BBIP1: variants seen among roughly 807,000 people sequenced by gnomAD.
The protein encoded by BBIP1 is BBSome-interacting protein 1.
Under a neutral mutation model 8.9 loss-of-function variants are expected in BBIP1, and 6 were observed. The observed-to-expected ratio is 0.67, with a 90% CI of 0.37 to 1.33. The LOEUF is 1.33. Ranked by LOEUF, BBIP1 falls within the 40% of genes most tolerant of loss-of-function variation. The probability of loss-of-function intolerance (pLI) is 0.02; values close to 1 mark genes in which losing one functional copy is unlikely to be tolerated. For missense variants in BBIP1, 111 were observed against 109.2 expected (o/e 1.02, Z -0.07); for synonymous variants, 32 against 33.4 (o/e 0.96, Z 0.14).
chr10:110,914,081 T>C (rs550444991), intron 2 of BBIP1, among the ~76,000 whole-genome samples: 2 of 152,174 alleles, frequency 1.3e-5, no homozygotes, highest in Non-Finnish European at 2.9e-5. Context: ...TATTGTTTCC[T>C]CTTACCTTAC....
At chr10:110,906,164 G>A (rs1028070753) in intron 2 of BBIP1, among the ~76,000 whole-genome samples, 15 of 152,028 alleles carry the variant, frequency 9.9e-5, no homozygotes, top group African/African-American at 7.2e-5. Context: ...CACCAAGCCC[G>A]GCTAATTTGT....
chr10:110,918,678 C>A (rs1446916526), intron 1 of BBIP1, among the ~76,000 whole-genome samples: 1 of 152,230 alleles, frequency 6.6e-6, no homozygotes, highest in South Asian at 2.1e-4. Flanking sequence ...GTAGAGCGGC[C>A]TCACCCCACA....
At chr10:110,917,844 A>G (rs962906706) in intron 2 of BBIP1, 1 of 500,040 alleles carries the variant, frequency 2.0e-6, no homozygotes, top group African/African-American at 1.9e-5. Flanking sequence ...TATATATAAC[A>G]TACTGATTGT....
intron 2 of BBIP1, among the ~76,000 whole-genome samples, chr10:110,908,946 A>AT (rs1364755324): frequency 6.6e-6 from 1 of 152,222 alleles, no homozygotes; most frequent in South Asian, 2.1e-4. Context: ...CAGGAGGACA[A>AT]TTACAGGGCT....
intron 2 of BBIP1, among the ~76,000 whole-genome samples, chr10:110,916,205 T>A (rs1053562771): frequency 2.0e-5 from 3 of 152,238 alleles, no homozygotes; most frequent in African/African-American, 7.2e-5. Flanking sequence ...GAATGCACTA[T>A]GTAATTTTCA....
At chr10:110,904,377 A>C (rs1001689289) in intron 2 of BBIP1, 2 of 152,224 alleles carry the variant, frequency 1.3e-5, no homozygotes, top group African/African-American at 4.8e-5. Flanking sequence ...GGTAAGAACT[A>C]TAGAAAATAA....
chr10:110,905,089 G>A (rs759119441), intron 2 of BBIP1: 6 of 152,116 alleles, frequency 3.9e-5, no homozygotes, highest in Non-Finnish European at 7.4e-5. Context: ...TCATGACAAG[G>A]TACGCAAACC....
At chr10:110,907,679 CCTCG>C (rs891137947) in intron 2 of BBIP1, 2 of 678,978 alleles carry the variant, frequency 2.9e-6, no homozygotes, top group Non-Finnish European at 2.7e-6. Context: ...TTGTTCTTAA[CCTCG>C]CTTGCTTGTA....
At chr10:110,918,064 A>G in intron 2 of BBIP1, 57 bp downstream of exon 2, 1 of 1,424,570 alleles carries the variant, frequency 7.0e-7, no homozygotes, top group South Asian at 1.2e-5. Flanking sequence ...TAAGTCGAGA[A>G]GGTAGGTTTG....
intron 2 of BBIP1, among the ~76,000 whole-genome samples, chr10:110,912,806 G>A (rs1564694075): frequency 6.6e-6 from 1 of 152,066 alleles, no homozygotes; most frequent in Non-Finnish European, 1.5e-5. Context: ...TCCATAATAT[G>A]TGCCTACTAC....
At chr10:110,918,998 G>C (rs929908671) in intron 1 of BBIP1, 123 bp downstream of exon 1, 4 of 152,266 alleles carry the variant, frequency 2.6e-5, no homozygotes, top group African/African-American at 9.6e-5. Flanking sequence ...GTCCATCTCC[G>C]TAAGTGACCA....
chr10:110,906,325 G>A (rs1242404411), intron 2 of BBIP1, among the ~76,000 whole-genome samples: 1 of 151,944 alleles, frequency 6.6e-6, no homozygotes. Context: ...GTATTTTAAT[G>A]ATCATCCTAT....
At chr10:110,916,869 CTCT>C (rs1407827961) in intron 2 of BBIP1, among the ~76,000 whole-genome samples, 1 of 152,186 alleles carries the variant, frequency 6.6e-6, no homozygotes, top group Non-Finnish European at 1.5e-5. Context: ...AAATGCTACC[CTCT>C]TCTTTGTAGG....
At position 110,899,280 on chromosome 10, in the gene BBIP1, A is replaced by G. The variant is rs981281339; in HGVS notation, c.*1080T>C. Reference sequence around the variant, plus strand: ...GTACTGTTAGGAGTATACTGCTTACAGGTTTAGATATAGTCTGTTAGAATT... The same window carrying G: ...GTACTGTTAGGAGTATACTGCTTACGGGTTTAGATATAGTCTGTTAGAATT... On this transcript the variant is annotated 3_prime_UTR_variant, in exon 4 of 4. Coordinates refer to ENST00000448814, the MANE Select transcript of BBIP1 (RefSeq NM_001195305.3). The G allele has an allele frequency of 1.3e-5, 2 of 152,214 alleles. No homozygotes were observed. The highest frequency in any genetic ancestry group is 2.9e-5 in the Non-Finnish European group (2 of 68,036). 9.4% of individuals were successfully genotyped at this position (152,214 alleles called of 1,614,324 possible). A position where few individuals can be genotyped will look rare whatever the true frequency, so the allele number is the denominator to read the frequency against.
intron 2 of BBIP1, chr10:110,904,201 T>G (rs1170476348): frequency 6.6e-6 from 1 of 152,240 alleles, no homozygotes; most frequent in Admixed American, 6.5e-5. Flanking sequence ...TGGCTGAAAT[T>G]CATGTGTATT....
chr10:110,901,768 G>T, intron 2 of BBIP1, 156 bp from the exon 3 acceptor site: 2 of 624,886 alleles, frequency 3.2e-6, no homozygotes, highest in East Asian at 2.8e-5. Context: ...GTGACCTTGG[G>T]ATAGTTTGTA....
intron 2 of BBIP1, chr10:110,911,193 T>C (rs1846267714): frequency 6.6e-6 from 1 of 152,188 alleles, no homozygotes; most frequent in Non-Finnish European, 1.5e-5. Flanking sequence ...GGCATAAAAT[T>C]AGATTTTCAG....
chr10:110,914,191 A>G (rs994227010), intron 2 of BBIP1, among the ~76,000 whole-genome samples: 7 of 152,176 alleles, frequency 4.6e-5, no homozygotes, highest in Non-Finnish European at 1.0e-4. Context: ...CAAAAATACA[A>G]TCTCTGGGAA....
Position 110,901,791 on chromosome 10 carries a change from T to G in BBIP1, c.38-179A>C, listed in dbSNP as rs149610758. On this transcript the variant is annotated intron_variant, in intron 2 of 3. Coordinates refer to ENST00000448814, the MANE Select transcript of BBIP1 (RefSeq NM_001195305.3). The stretch of plus-strand genomic sequence containing the variant: ...GGGATAGTTTGTATAAGCATTTAGA[T>G]CTTGTCAACTTCCATTAGTCAGTTG... 1,797 of 581,754 alleles carry G rather than the reference T, an allele frequency of 3.1e-3. 22 individuals are homozygous for G. The highest frequency in any genetic ancestry group is 0.03 in the African/African-American group (1,632 of 53,622). 36.0% of individuals were successfully genotyped at this position (581,754 alleles called of 1,614,324 possible).
Sources: gnomAD v4.1 joint callset for allele counts (sites outside exome capture counted in the v4.1 genomes callset) on GRCh38, gnomAD v4.1.1 for gene constraint, MANE v1.5 for transcripts, NCBI Gene and HGNC (gene_info 2026-07-23, HGNC 2026-07-21) for gene names.